Variants in PTPRD observed in about 807,000 individuals in gnomAD.
PTPRD encodes receptor-type tyrosine-protein phosphatase delta.
In PTPRD, 34 loss-of-function variants were observed where a neutral mutation model predicts 214.5. That is an observed-to-expected ratio of 0.16 (90% CI 0.12 to 0.21). PTPRD has a LOEUF of 0.21. Among genes scored for constraint, PTPRD ranks in the 10% least tolerant of loss-of-function variants. The pLI is 1.00. For missense variants in PTPRD, 2,545 were observed against 2,398.7 expected (o/e 1.06, Z -1.27); for synonymous variants, 1,128 against 845.7 (o/e 1.33, Z -5.79).
intron 20 of PTPRD, among the ~76,000 whole-genome samples, chr9:8,518,771 T>A (rs1321667789): frequency 2.0e-5 from 3 of 152,204 alleles, no homozygotes; most frequent in Non-Finnish European, 4.4e-5. Context: ...TAAGTCATAT[T>A]ATACAGCTGT....
chr9:10,094,230 T>C (rs1360150384), intron 3 of PTPRD, among the ~76,000 whole-genome samples: 4 of 151,472 alleles, frequency 2.6e-5, no homozygotes, highest in Non-Finnish European at 5.9e-5. Context: ...TTTTTCCTTC[T>C]TTCTTTATAT....
At chr9:10,179,635 T>C (rs986847455) in intron 3 of PTPRD, among the ~76,000 whole-genome samples, 1 of 152,190 alleles carries the variant, frequency 6.6e-6, no homozygotes, top group Admixed American at 6.6e-5. Flanking sequence ...GTTTATTGCA[T>C]GCAATGCAAT....
At chr9:9,684,131 C>A (rs1023375697) in intron 7 of PTPRD, among the ~76,000 whole-genome samples, 3 of 151,486 alleles carry the variant, frequency 2.0e-5, no homozygotes, top group African/African-American at 7.3e-5. Flanking sequence ...AAAAGGCAGC[C>A]TGAACACATA....
chr9:8,904,278 T>A (rs946120440), intron 11 of PTPRD, among the ~76,000 whole-genome samples: 6 of 152,196 alleles, frequency 3.9e-5, no homozygotes, highest in Admixed American at 6.5e-5. Flanking sequence ...ACTCAGTAAA[T>A]TTAAGATTGA....
intron 9 of PTPRD, among the ~76,000 whole-genome samples, chr9:9,386,336 T>G (rs575696823): frequency 6.6e-6 from 1 of 152,178 alleles, no homozygotes; most frequent in South Asian, 2.1e-4. Context: ...ACCAATGAGG[T>G]ACGGCACTGA....
At chr9:10,354,985 T>A (rs985505349) in intron 2 of PTPRD, among the ~76,000 whole-genome samples, 14 of 152,328 alleles carry the variant, frequency 9.2e-5, no homozygotes, top group African/African-American at 3.4e-4. Context: ...AATAGATGTA[T>A]ACTTCCTCAT....
chr9:9,520,863 G>A (rs1030321081), intron 8 of PTPRD, among the ~76,000 whole-genome samples: 1 of 152,106 alleles, frequency 6.6e-6, no homozygotes, highest in Non-Finnish European at 1.5e-5. Context: ...CAGGCAGCAA[G>A]CAGTCTATGA....
At chr9:8,933,348 T>TTTTTG (rs1555544969) in intron 11 of PTPRD, among the ~76,000 whole-genome samples, 3 of 145,978 alleles carry the variant, frequency 2.1e-5, no homozygotes, top group Admixed American at 6.9e-5. Context: ...AGGTTTTTTT[T>TTTTTG]TTTTTTTTTT....
In PTPRD at chr9:8,338,968, T is replaced by C. The variant is rs1332822916; in HGVS notation, c.5333A>G (p.Asn1778Ser). The C allele has an allele frequency of 1.9e-6, 3 of 1,612,326 alleles. No homozygotes were observed. The highest frequency in any genetic ancestry group is 2.7e-5 in the African/African-American group (2 of 74,786). Residue 1778 changes from asparagine (N) to serine (S), a missense_variant, in exon 43 of 46, where the codon AAC (asparagine) becomes AGC (serine). Physicochemically the swap from Asn to Ser is conservative, Grantham distance 46. Coordinates refer to ENST00000381196, the MANE Select transcript of PTPRD (RefSeq NM_002839.4). ...TTCCCTTAGGATATACTGTGGCATGTTGTACTCAGCCATGGGATCTACAAC... is the reference window on the plus strand; with the variant it reads ...TTCCCTTAGGATATACTGTGGCATGCTGTACTCAGCCATGGGATCTACAAC... ...YFVVDPMAEY[N>S]MPQYILREFK... is the part of the protein sequence containing the mutation.
intron 2 of PTPRD, among the ~76,000 whole-genome samples, chr9:10,398,609 C>G (rs1285763291): frequency 6.6e-6 from 1 of 151,906 alleles, no homozygotes; most frequent in Non-Finnish European, 1.5e-5. Flanking sequence ...AAAACATTTT[C>G]TTCCATAATG....
intron 3 of PTPRD, among the ~76,000 whole-genome samples, chr9:10,226,834 G>A (rs1463844715): frequency 3.3e-5 from 5 of 152,010 alleles, no homozygotes; most frequent in South Asian, 2.1e-4. Context: ...TTTCCACTAC[G>A]TCTAATTGCC....
intron 9 of PTPRD, among the ~76,000 whole-genome samples, chr9:9,328,009 G>A (rs1020608380): frequency 1.3e-5 from 2 of 152,090 alleles, no homozygotes; most frequent in Non-Finnish European, 2.9e-5. Flanking sequence ...CAGCCCACGG[G>A]CCATGGACTG....
chr9:9,001,169 C>G (rs1053958514), intron 11 of PTPRD, among the ~76,000 whole-genome samples: 3 of 151,964 alleles, frequency 2.0e-5, no homozygotes, highest in Admixed American at 6.6e-5. Context: ...ACATAATCAA[C>G]AGAAACGAAT....
chr9:9,224,213 A>C (rs530839053), intron 9 of PTPRD, among the ~76,000 whole-genome samples: 1 of 152,126 alleles, frequency 6.6e-6, no homozygotes, highest in Admixed American at 6.6e-5. Context: ...TAGACTCAAG[A>C]GTAAGAAGCC....
At chr9:9,492,528 T>A (rs1181255598) in intron 8 of PTPRD, among the ~76,000 whole-genome samples, 1 of 152,114 alleles carries the variant, frequency 6.6e-6, no homozygotes, top group East Asian at 1.9e-4. Context: ...TAATGTAATA[T>A]ACCACCTTAA....
chr9:9,340,448 C>A (rs1009268553), intron 9 of PTPRD, among the ~76,000 whole-genome samples: 15 of 152,182 alleles, frequency 9.9e-5, no homozygotes, highest in African/African-American at 3.4e-4. Flanking sequence ...TAAAATATTA[C>A]CAAAAATTAG....
intron 8 of PTPRD, among the ~76,000 whole-genome samples, chr9:9,398,754 A>C (rs2141246005): frequency 6.6e-6 from 1 of 152,042 alleles, no homozygotes; most frequent in East Asian, 1.9e-4. Flanking sequence ...ACAGGGTTAA[A>C]TTTTGTATAA....
intron 2 of PTPRD, among the ~76,000 whole-genome samples, chr9:10,357,353 T>A (rs2097298145): frequency 6.6e-6 from 1 of 152,212 alleles, no homozygotes; most frequent in South Asian, 2.1e-4. Context: ...GATTCGTTCC[T>A]TGATAATAAT....
At chr9:10,027,810 T>A (rs923409167) in intron 4 of PTPRD, among the ~76,000 whole-genome samples, 2 of 152,200 alleles carry the variant, frequency 1.3e-5, no homozygotes, top group East Asian at 3.8e-4. Context: ...TTGAACTAAA[T>A]GGTAAAATAT....
Sources: gnomAD v4.1 joint callset for allele counts (sites outside exome capture counted in the v4.1 genomes callset) on GRCh38, gnomAD v4.1.1 for gene constraint, MANE v1.5 for transcripts, NCBI Gene and HGNC (gene_info 2026-07-23, HGNC 2026-07-21) for gene names.